TRDN: variants seen among roughly 807,000 people sequenced by gnomAD.
TRDN encodes triadin.
TRDN carries 161 observed loss-of-function variants against 149.7 expected under a neutral mutation model. The ratio of observed to expected loss-of-function variants is 1.08; its 90% CI spans 0.95 to 1.23. The LOEUF (loss-of-function observed/expected upper bound fraction) is 1.23. TRDN is among the 50% of genes most tolerant of loss of function. The probability of loss-of-function intolerance (pLI) is 0.00; values close to 1 mark genes in which losing one functional copy is unlikely to be tolerated. For missense variants in TRDN, 896 were observed against 823.5 expected, an observed-to-expected ratio of 1.09 and a Z score of -1.08; for synonymous variants, 294 against 250.5, an observed-to-expected ratio of 1.17 and a Z score of -1.64.
intron 1 of TRDN, among the ~76,000 whole-genome samples, chr6:123,602,492 G>A (rs1784325082): frequency 6.6e-6 from 1 of 152,006 alleles, no homozygotes; most frequent in East Asian, 1.9e-4. Flanking sequence ...CCCTGCTCAG[G>A]TGATGAGTTC....
intron 38 of TRDN, among the ~76,000 whole-genome samples, chr6:123,227,105 T>C (rs992862411): frequency 2.0e-5 from 3 of 151,900 alleles, no homozygotes; most frequent in Admixed American, 6.6e-5. Flanking sequence ...TCATAGCTAG[T>C]CAAGGTTGCT....
At chr6:123,413,059 G>C (rs796854822) in intron 12 of TRDN, among the ~76,000 whole-genome samples, 5 of 152,258 alleles carry the variant, frequency 3.3e-5, no homozygotes, top group African/African-American at 1.2e-4. Context: ...AAATAGCATG[G>C]AGAAAACGAG....
At chr6:123,348,351 T>G (rs1413213113) in intron 21 of TRDN, among the ~76,000 whole-genome samples, 2 of 152,148 alleles carry the variant, frequency 1.3e-5, no homozygotes, top group Non-Finnish European at 2.9e-5. Flanking sequence ...TAATTTACAA[T>G]GAGAATACAG....
intron 38 of TRDN, among the ~76,000 whole-genome samples, chr6:123,234,456 T>A (rs1238753325): frequency 6.6e-6 from 1 of 152,138 alleles, no homozygotes; most frequent in Non-Finnish European, 1.5e-5. Context: ...CTGTATTAGT[T>A]GAGAATGGTT....
intron 2 of TRDN, among the ~76,000 whole-genome samples, chr6:123,550,296 G>A (rs924857309): frequency 3.9e-5 from 6 of 152,014 alleles, no homozygotes; most frequent in Non-Finnish European, 7.4e-5. Flanking sequence ...CAGAGCAGGA[G>A]TGAGCAAGAA....
chr6:123,270,639 T>C (rs1167016015), intron 30 of TRDN, among the ~76,000 whole-genome samples: 6 of 151,994 alleles, frequency 3.9e-5, no homozygotes, highest in Admixed American at 2.0e-4. Flanking sequence ...GAACTAATGA[T>C]AGATGGAGTG....
At chr6:123,624,489 C>T (rs1395598100) in intron 1 of TRDN, among the ~76,000 whole-genome samples, 1 of 152,158 alleles carries the variant, frequency 6.6e-6, no homozygotes, top group African/African-American at 2.4e-5. Context: ...ATTCTGCTGA[C>T]TTATTGCCTT....
At chr6:123,263,598 C>T (rs1346024235) in intron 33 of TRDN, among the ~76,000 whole-genome samples, 1 of 151,996 alleles carries the variant, frequency 6.6e-6, no homozygotes, top group Non-Finnish European at 1.5e-5. Context: ...AAGCTGTACT[C>T]CAGCCTGGTG....
Position 123,224,110 on chromosome 6 carries a change from GC to G in TRDN, c.1996del (p.Ala666LeufsTer78). The G allele has an allele frequency of 6.2e-7, 1 of 1,610,264 alleles. No individual in the cohort carries two copies. Among genetic ancestry groups the G allele is most frequent in the Non-Finnish European group, 8.5e-7 (1 of 1,177,894 alleles). ...RVSKDVEDVP[A>X]SKKAKEGTED... ...AAACTCACCTTTAGCTTTCTTTGAA[GC>G]TGGTACATCTTCAACATCTTCTAGA... is the stretch of plus-strand genomic sequence containing the variant. On this transcript the variant is annotated frameshift_variant, in exon 39 of 41. Coordinates refer to ENST00000334268, the MANE Select transcript of TRDN (RefSeq NM_006073.4). LOFTEE classifies it high-confidence loss of function.
chr6:123,631,252 C>T, intron 1 of TRDN, among the ~76,000 whole-genome samples: 1 of 151,692 alleles, frequency 6.6e-6, no homozygotes, highest in East Asian at 1.9e-4. Flanking sequence ...GATAGTCATA[C>T]AAAAGCTTCA....
chr6:123,495,727 T>C (rs1300658142), intron 9 of TRDN, among the ~76,000 whole-genome samples: 1 of 152,044 alleles, frequency 6.6e-6, no homozygotes, highest in African/African-American at 2.4e-5. Context: ...GTTCTCTTCA[T>C]GTAGGGAACT....
chr6:123,329,350 T>G (rs1457267475), intron 23 of TRDN, among the ~76,000 whole-genome samples: 1 of 152,186 alleles, frequency 6.6e-6, no homozygotes, highest in Non-Finnish European at 1.5e-5. Flanking sequence ...TGTCTGATGC[T>G]CCTTTAATGA....
chr6:123,447,771 CAAAA>C (rs570554964), intron 10 of TRDN, among the ~76,000 whole-genome samples: 1 of 101,220 alleles, frequency 9.9e-6, no homozygotes, highest in African/African-American at 3.7e-5. Context: ...AGATCAGTTT[CAAAA>C]AAAAAAAAAA....
At chr6:123,445,845 A>T (rs1286525194) in intron 10 of TRDN, among the ~76,000 whole-genome samples, 12 of 127,970 alleles carry the variant, frequency 9.4e-5, no homozygotes, top group Non-Finnish European at 3.2e-5. Flanking sequence ...TCAGGGATCT[A>T]GAACTAGAAA....
chr6:123,397,421 C>A (rs1772778592), intron 12 of TRDN, among the ~76,000 whole-genome samples: 1 of 152,166 alleles, frequency 6.6e-6, no homozygotes, highest in Non-Finnish European at 1.5e-5. Flanking sequence ...CTTCCTACTA[C>A]CCTATAAATT....
chr6:123,502,421 T>C (rs1338286344), intron 8 of TRDN: 1 of 624,018 alleles, frequency 1.6e-6, no homozygotes, highest in Admixed American at 6.3e-5. Context: ...TATCTTAAAA[T>C]AATAAATTAA....
At position 123,377,633 on chromosome 6, in the gene TRDN, TG is replaced by T. The variant is rs1781559169; in HGVS notation, c.1246+82del. 4.5e-5 allele frequency: 68 copies of T among 1,523,024 alleles called. No individual in the cohort carries two copies. The South Asian group carries it at 7.8e-4, about 18-fold the overall frequency. The allele number at this position is 1,523,024 out of a possible 1,614,324, so 94.3% of individuals were successfully genotyped here. A position where few individuals can be genotyped will look rare whatever the true frequency, so the allele number is the denominator to read the frequency against. On this transcript the variant is annotated intron_variant, in intron 18 of 40. Coordinates refer to ENST00000334268, the MANE Select transcript of TRDN (RefSeq NM_006073.4). Reference sequence around the variant, plus strand: ...AGCATTCCCCACCCTTTACTGGCGCTGCCTTACCACCTGTTTGAGGCTACAG... The same window carrying T: ...AGCATTCCCCACCCTTTACTGGCGCTCCTTACCACCTGTTTGAGGCTACAG...
intron 7 of TRDN, 118 bp downstream of exon 7, chr6:123,512,185 A>G: frequency 1.7e-6 from 1 of 576,364 alleles, no homozygotes; most frequent in Non-Finnish European, 3.0e-6. Flanking sequence ...GGTAAGACCA[A>G]ATTAACTTTT....
chr6:123,610,353 T>C (rs1057293499), intron 1 of TRDN, among the ~76,000 whole-genome samples: 13 of 152,206 alleles, frequency 8.5e-5, no homozygotes, highest in African/African-American at 3.1e-4. Flanking sequence ...TATTGCTTCC[T>C]GATGCTTGAT....
Sources: gnomAD v4.1 joint callset for allele counts (sites outside exome capture counted in the v4.1 genomes callset) on GRCh38, gnomAD v4.1.1 for gene constraint, MANE v1.5 for transcripts, NCBI Gene and HGNC (gene_info 2026-07-23, HGNC 2026-07-21) for gene names.